Variants in LINGO2 observed in about 807,000 individuals in gnomAD.
LINGO2 encodes the protein leucine-rich repeat and immunoglobulin-like domain-containing nogo receptor-interacting protein 2.
LINGO2 carries 14 observed loss-of-function variants against 30.6 expected under a neutral mutation model. The ratio of observed to expected loss-of-function variants is 0.46; its 90% CI spans 0.30 to 0.72. The LOEUF is 0.72. Ranked by LOEUF, LINGO2 falls within the 30% of genes least tolerant of loss-of-function variation. The probability of loss-of-function intolerance (pLI) is 0.07; values close to 1 mark genes in which losing one functional copy is unlikely to be tolerated. For missense variants in LINGO2, 729 were observed against 751.7 expected, an observed-to-expected ratio of 0.97 and a Z score of 0.35; for synonymous variants, 317 against 288.5, an observed-to-expected ratio of 1.10 and a Z score of -1.00.
rs192128265 is a variant in LINGO2 at position 28,090,314 on chromosome 9, A to G, written c.-86-77909T>C. 4.7e-3 allele frequency among the ~76,000 whole-genome samples: 717 copies of G among 152,322 alleles called. 17 individuals carry two copies. Among genetic ancestry groups the G allele is most frequent in the Admixed American group, 0.04 (619 of 15,294 alleles). On this transcript the variant is annotated intron_variant, in intron 4 of 5. Coordinates refer to ENST00000379992, the Ensembl canonical transcript of LINGO2. ...ATGAACATCGATGCAAAAATCCTCAATAAAATACTGGCAAACTGAATCCAG... is the reference window on the plus strand; with the variant it reads ...ATGAACATCGATGCAAAAATCCTCAGTAAAATACTGGCAAACTGAATCCAG...
chr9:28,535,904 C>T (rs1337315221), intron 1 of LINGO2, among the ~76,000 whole-genome samples: 1 of 152,188 alleles, frequency 6.6e-6, no homozygotes, highest in East Asian at 1.9e-4. Flanking sequence ...ATTTGTAATG[C>T]TCTTGGAGAT....
chr9:28,831,732 T>C, the LINGO2 span, among the ~76,000 whole-genome samples: 2 of 152,144 alleles, frequency 1.3e-5, no homozygotes, highest in Non-Finnish European at 2.9e-5. Context: ...AAAAGAAAGC[T>C]ACAATTTCAG....
At chr9:28,856,854 C>T in the LINGO2 span, among the ~76,000 whole-genome samples, 2 of 151,882 alleles carry the variant, frequency 1.3e-5, no homozygotes, top group South Asian at 2.1e-4. Context: ...TCTGGCTAAA[C>T]TGATGATAGT....
chr9:28,608,769 C>A (rs113293762), intron 1 of LINGO2, among the ~76,000 whole-genome samples: 2 of 151,840 alleles, frequency 1.3e-5, no homozygotes, highest in African/African-American at 4.8e-5. Flanking sequence ...TTCCTTCGAA[C>A]CATGGATGTA....
chr9:29,002,121 C>T, the LINGO2 span, among the ~76,000 whole-genome samples: 1 of 151,996 alleles, frequency 6.6e-6, no homozygotes, highest in Non-Finnish European at 1.5e-5. Context: ...GTCTTTTAGT[C>T]AGAGTTATTA....
At chr9:28,931,880 C>T in the LINGO2 span, among the ~76,000 whole-genome samples, 39 of 150,976 alleles carry the variant, frequency 2.6e-4, 1 homozygote, top group East Asian at 6.8e-3. Flanking sequence ...GAGGCTGAGG[C>T]GGGTGGGTCA....
the LINGO2 span, among the ~76,000 whole-genome samples, chr9:29,072,825 C>G: frequency 6.6e-6 from 1 of 151,878 alleles, no homozygotes; most frequent in South Asian, 2.1e-4. Context: ...GCTGGTACAA[C>G]TGAGCAACAG....
chr9:28,739,004 T>C, the LINGO2 span, among the ~76,000 whole-genome samples: 1 of 152,038 alleles, frequency 6.6e-6, no homozygotes, highest in African/African-American at 2.4e-5. Context: ...TAATACATCC[T>C]GGTAATGAAA....
the LINGO2 span, among the ~76,000 whole-genome samples, chr9:29,036,646 C>A: frequency 6.6e-6 from 1 of 151,938 alleles, no homozygotes; most frequent in Non-Finnish European, 1.5e-5. Context: ...GTGCAATTAG[C>A]TTGGTCATGA....
At chr9:28,253,298 T>C (rs557547379) in intron 4 of LINGO2, among the ~76,000 whole-genome samples, 1 of 152,240 alleles carries the variant, frequency 6.6e-6, no homozygotes, top group South Asian at 2.1e-4. Context: ...CAAGCATTTA[T>C]TGACCACTTA....
At chr9:28,028,746 A>T (rs1257330309) in intron 4 of LINGO2, among the ~76,000 whole-genome samples, 1 of 151,848 alleles carries the variant, frequency 6.6e-6, no homozygotes, top group Non-Finnish European at 1.5e-5. Flanking sequence ...TGTTTTTTGT[A>T]TTTTTTTTCT....
chr9:28,666,697 A>G (rs574064200), intron 1 of LINGO2, among the ~76,000 whole-genome samples: 2 of 152,288 alleles, frequency 1.3e-5, no homozygotes, highest in Admixed American at 1.3e-4. Context: ...CTAGTAAACT[A>G]AGCCTCAGAG....
intron 1 of LINGO2, among the ~76,000 whole-genome samples, chr9:28,635,153 A>C (rs1005827631): frequency 6.6e-6 from 1 of 152,226 alleles, no homozygotes; most frequent in Admixed American, 6.5e-5. Flanking sequence ...TCAGTTGTGC[A>C]TCCAATATAT....
intron 1 of LINGO2, among the ~76,000 whole-genome samples, chr9:28,506,479 C>CACATAT (rs1260518228): frequency 8.8e-5 from 1 of 11,334 alleles, no homozygotes; most frequent in African/African-American, 1.6e-4. Context: ...CACACACACA[C>CACATAT]ATACACATAC....
chr9:28,024,962 A>C (rs1197348096), intron 4 of LINGO2, among the ~76,000 whole-genome samples: 1 of 152,096 alleles, frequency 6.6e-6, no homozygotes, highest in African/African-American at 2.4e-5. Flanking sequence ...GGCAGCCCTC[A>C]TTTGTTTTGC....
chr9:27,996,649 G>A (rs112682542), intron 5 of LINGO2, among the ~76,000 whole-genome samples: 18 of 152,254 alleles, frequency 1.2e-4, no homozygotes, highest in African/African-American at 4.3e-4. Context: ...GTTAGTTAAT[G>A]GGTAATACAG....
chr9:28,108,478 T>G lies in LINGO2; in HGVS notation c.-86-96073A>C, dbSNP rs73643300. On this transcript the variant is annotated intron_variant, in intron 4 of 5. Coordinates refer to ENST00000379992, the Ensembl canonical transcript of LINGO2. ...CTGGCCATCGATCTTTTATACTCAC[T>G]CCATGGCACCTTCATCTCACTTAGA... 5.9e-3 allele frequency among the ~76,000 whole-genome samples: 903 copies of G among 152,162 alleles called. 9 individuals carry two copies. Among genetic ancestry groups the G allele is most frequent in the African/African-American group, 0.02 (843 of 41,548 alleles).
At chr9:27,995,543 G>A (rs766833295) in intron 5 of LINGO2, among the ~76,000 whole-genome samples, 21 of 152,052 alleles carry the variant, frequency 1.4e-4, no homozygotes, top group Non-Finnish European at 2.8e-4. Context: ...ATCATCAGGT[G>A]GGATTTATTC....
chr9:28,808,164 A>C, the LINGO2 span, among the ~76,000 whole-genome samples: 2 of 152,312 alleles, frequency 1.3e-5, no homozygotes, highest in East Asian at 3.9e-4. Flanking sequence ...CTGCAGAACC[A>C]AAAGCTTTTA....
Sources: allele counts gnomAD v4.1 joint callset (sites outside exome capture counted in the v4.1 genomes callset), GRCh38; gene constraint gnomAD v4.1.1; transcripts MANE v1.5; gene names NCBI Gene and HGNC (gene_info 2026-07-23, HGNC 2026-07-21).